Variants in TNS1 observed in about 807,000 individuals in gnomAD.
TNS1 encodes tensin-1.
TNS1 carries 62 observed loss-of-function variants against 168.6 expected under a neutral mutation model. That is an observed-to-expected ratio of 0.37 (90% CI 0.30 to 0.45). TNS1 has a LOEUF of 0.45. Ranked by LOEUF, TNS1 falls within the 20% of genes least tolerant of loss-of-function variation. The probability of loss-of-function intolerance (pLI) is 1.00; values close to 1 mark genes in which losing one functional copy is unlikely to be tolerated. For synonymous variants in TNS1, 934 were observed against 933.2 expected, an observed-to-expected ratio of 1.00 and a Z score of -0.02; for missense variants, 2,240 against 2,339.4, an observed-to-expected ratio of 0.96 and a Z score of 0.88.
Position 217,848,036 on chromosome 2 carries a change from C to G in TNS1, c.2481G>C (p.Gln827His). 1 of 1,527,276 alleles carries G rather than the reference C, an allele frequency of 6.5e-7. No individual in the cohort carries two copies. Among genetic ancestry groups the G allele is most frequent in the Non-Finnish European group, 8.8e-7 (1 of 1,137,636 alleles). 94.6% of individuals were successfully genotyped at this position (1,527,276 alleles called of 1,614,324 possible). The change falls in exon 19 of 33, where the codon CAG becomes CAC. Residue 827 changes from glutamine to histidine, a missense_variant. By Grantham distance (24) the Gln-to-His change is conservative. This residue lies in a region of TNS1 where 2,131 missense variants were observed against 2,171.2 expected (regional missense o/e 0.98). Transcript: ENST00000682258. Reference sequence around the variant, plus strand: ...TTTCGATGGACTGTTCAATCTCCTGCTGGGAGGCTGCTCGCGGGAACTCAG... The same window carrying G: ...TTTCGATGGACTGTTCAATCTCCTGGTGGGAGGCTGCTCGCGGGAACTCAG... Reference protein sequence around the residue: ...SLPEFPRAASQQEIEQSIETL... With the variant: ...SLPEFPRAASHQEIEQSIETL...
chr2:218,015,700 C>T (rs1958751788), intron 1 of TNS1, among the ~76,000 whole-genome samples: 1 of 152,148 alleles, frequency 6.6e-6, no homozygotes, highest in Non-Finnish European at 1.5e-5. Context: ...GGGCCCCTTT[C>T]CAAATGACTT....
chr2:217,837,339 G>A (rs908141918), intron 19 of TNS1, among the ~76,000 whole-genome samples: 5 of 152,088 alleles, frequency 3.3e-5, no homozygotes, highest in African/African-American at 1.2e-4. Context: ...CCCCAGCCAC[G>A]CCCCCCAGCA....
intron 1 of TNS1, among the ~76,000 whole-genome samples, chr2:217,994,174 C>T (rs1008790090): frequency 6.6e-6 from 1 of 152,180 alleles, no homozygotes; most frequent in Non-Finnish European, 1.5e-5. Context: ...CTGGGCCTCA[C>T]TCTCTGACCC....
chr2:218,004,101 G>A (rs907735477), upstream of TNS1, among the ~76,000 whole-genome samples: 1 of 152,192 alleles, frequency 6.6e-6, no homozygotes, highest in African/African-American at 2.4e-5. Flanking sequence ...GGTGGGTGGG[G>A]GCCAGTGAAT....
intron 19 of TNS1, among the ~76,000 whole-genome samples, chr2:217,845,867 C>T (rs1022119257): frequency 6.6e-6 from 1 of 152,166 alleles, no homozygotes; most frequent in South Asian, 2.1e-4. Context: ...TCTGCTCCCC[C>T]AGAGAGAAGG....
chr2:217,917,376 T>C (rs572065499), intron 4 of TNS1, among the ~76,000 whole-genome samples: 29 of 152,324 alleles, frequency 1.9e-4, no homozygotes, highest in Admixed American at 1.3e-3. Context: ...TAAAAATTCC[T>C]TGTCCTAATG....
intron 1 of TNS1, among the ~76,000 whole-genome samples, chr2:218,021,332 G>A (rs980098917): frequency 2.4e-4 from 37 of 152,214 alleles, no homozygotes; most frequent in Admixed American, 7.2e-4. Flanking sequence ...GGGGACTGCT[G>A]AACTGAAGAG....
chr2:217,951,196 C>T (rs935741912), intron 3 of TNS1, among the ~76,000 whole-genome samples: 3 of 152,158 alleles, frequency 2.0e-5, no homozygotes, highest in Non-Finnish European at 2.9e-5. Context: ...TGTGTAACCT[C>T]GAGCAAGTTA....
At chr2:217,859,051 C>T (rs1948531712) in intron 18 of TNS1, among the ~76,000 whole-genome samples, 1 of 148,694 alleles carries the variant, frequency 6.7e-6, no homozygotes, top group Admixed American at 6.7e-5. Context: ...CCAGCCCCAC[C>T]GGGTCCCAGT....
At chr2:217,979,611 G>T (rs1283444327) in intron 2 of TNS1, among the ~76,000 whole-genome samples, 3 of 151,998 alleles carry the variant, frequency 2.0e-5, no homozygotes, top group Non-Finnish European at 4.4e-5. Context: ...TAAGGTTCCC[G>T]AAGCCTGGAA....
chr2:217,840,527 C>G (rs1045893582), intron 19 of TNS1, among the ~76,000 whole-genome samples: 1 of 152,276 alleles, frequency 6.6e-6, no homozygotes, highest in Non-Finnish European at 1.5e-5. Flanking sequence ...CAGAGGTGGT[C>G]TCAGGCAGGG....
At chr2:218,001,616 T>A (rs888191792) in intron 1 of TNS1, among the ~76,000 whole-genome samples, 24 of 152,096 alleles carry the variant, frequency 1.6e-4, no homozygotes, top group Non-Finnish European at 2.1e-4. Context: ...ACCAGCCCAG[T>A]AAACCACAAA....
chr2:217,987,595 T>A (rs1454390021), intron 2 of TNS1, among the ~76,000 whole-genome samples: 1 of 152,172 alleles, frequency 6.6e-6, no homozygotes, highest in Non-Finnish European at 1.5e-5. Context: ...TAAAAGAGCT[T>A]CCTCACTGCC....
intron 7 of TNS1, 44 bp downstream of exon 7, chr2:217,900,419 C>T: frequency 6.5e-7 from 1 of 1,531,024 alleles, no homozygotes; most frequent in Non-Finnish European, 8.7e-7. Context: ...ACAGTGACCC[C>T]CCTGCTTGCA....
chr2:217,981,277 G>A (rs1158956430), intron 2 of TNS1, among the ~76,000 whole-genome samples: 1 of 152,242 alleles, frequency 6.6e-6, no homozygotes, highest in African/African-American at 2.4e-5. Context: ...TCTCCAGGCA[G>A]ATCAGCCCTG....
At chr2:217,863,675 G>A (rs1360687802) in intron 18 of TNS1, among the ~76,000 whole-genome samples, 3 of 152,112 alleles carry the variant, frequency 2.0e-5, no homozygotes, top group East Asian at 1.9e-4. Flanking sequence ...AGTTTCCAAC[G>A]TGGTAAAATG....
chr2:218,021,213 G>A (rs868490891), intron 1 of TNS1, among the ~76,000 whole-genome samples: 4 of 152,164 alleles, frequency 2.6e-5, no homozygotes, highest in Admixed American at 6.5e-5. Flanking sequence ...TGGAGAATGA[G>A]TCCAAAATCT....
intron 12 of TNS1, among the ~76,000 whole-genome samples, chr2:217,887,729 A>G (rs962762015): frequency 6.6e-6 from 1 of 152,244 alleles, no homozygotes; most frequent in African/African-American, 2.4e-5. Context: ...CCAGAGACAC[A>G]CAGCAAGAAC....
chr2:217,859,597 C>T (rs202156717), intron 18 of TNS1: 94 of 1,518,418 alleles, frequency 6.2e-5, no homozygotes, highest in Admixed American at 2.7e-4. Flanking sequence ...TTTTGGAGGG[C>T]CTAACTTTGG....
Sources: gnomAD v4.1 joint callset for allele counts (sites outside exome capture counted in the v4.1 genomes callset) on GRCh38, gnomAD v4.1.1 for gene constraint, gnomAD v4.1.1 regional missense constraint, MANE v1.5 for transcripts, NCBI Gene and HGNC (gene_info 2026-07-23, HGNC 2026-07-21) for gene names.